The following KDM4C variants were observed in gnomAD, a reference collection of about 807,000 sequenced individuals.
KDM4C encodes lysine demethylase 4C, also known as lysine-specific demethylase 4C.
A neutral mutation model predicts 129.3 loss-of-function variants in KDM4C; 81 were observed. The observed-to-expected ratio is 0.63, with a 90% CI of 0.52 to 0.75. KDM4C has a LOEUF of 0.75. Among genes scored for constraint, KDM4C ranks in the 30% least tolerant of loss-of-function variants. The pLI, the probability that KDM4C is intolerant of heterozygous loss-of-function variation, is 0.00. For synonymous variants in KDM4C, 573 were observed against 456.1 expected, an observed-to-expected ratio of 1.26 and a Z score of -3.26; for missense variants, 1,457 against 1,304.0, an observed-to-expected ratio of 1.12 and a Z score of -1.81.
chr9:7,157,885 G>A (rs1843358584), intron 19 of KDM4C, among the ~76,000 whole-genome samples: 1 of 152,154 alleles, frequency 6.6e-6, no homozygotes, highest in Non-Finnish European at 1.5e-5. Context: ...GAGTTAGGGA[G>A]GAGTCCCTCT....
At chr9:6,970,839 C>G (rs770111900) in intron 8 of KDM4C, among the ~76,000 whole-genome samples, 2 of 138,494 alleles carry the variant, frequency 1.4e-5, no homozygotes, top group Admixed American at 7.2e-5. Flanking sequence ...CAGGGTACCT[C>G]CTCTTAGGAA....
At chr9:6,825,270 A>G (rs1833706181) in intron 4 of KDM4C, among the ~76,000 whole-genome samples, 1 of 152,182 alleles carries the variant, frequency 6.6e-6, no homozygotes, top group Admixed American at 6.5e-5. Flanking sequence ...GAAAAAGGCA[A>G]ATACTAATTA....
chr9:7,138,824 AAAAAT>A (rs1380480279), intron 19 of KDM4C, among the ~76,000 whole-genome samples: 1 of 152,158 alleles, frequency 6.6e-6, no homozygotes, highest in East Asian at 1.9e-4. Context: ...TGTCTCTAAA[AAAAAT>A]AAAATAAAAG....
chr9:6,894,565 G>C (rs958029177), intron 8 of KDM4C, among the ~76,000 whole-genome samples: 1 of 152,222 alleles, frequency 6.6e-6, no homozygotes, highest in Non-Finnish European at 1.5e-5. Context: ...CAGCTGTTCA[G>C]AGTCACCACA....
At chr9:6,880,515 A>G (rs1452016705) in intron 6 of KDM4C, among the ~76,000 whole-genome samples, 1 of 151,990 alleles carries the variant, frequency 6.6e-6, no homozygotes, top group Admixed American at 6.6e-5. Flanking sequence ...GTCACTGCCG[A>G]CGCCCAGTTC....
intron 2 of KDM4C, among the ~76,000 whole-genome samples, chr9:6,801,467 G>T (rs1828950057): frequency 6.6e-6 from 1 of 151,012 alleles, no homozygotes; most frequent in South Asian, 2.1e-4. Flanking sequence ...TGGATCTCCT[G>T]ACATCGTGAT....
At chr9:6,748,329 G>C (rs1817951223) in intron 1 of KDM4C, among the ~76,000 whole-genome samples, 1 of 152,036 alleles carries the variant, frequency 6.6e-6, no homozygotes, top group African/African-American at 2.4e-5. Context: ...CCAACATGGA[G>C]AAACCCTGTC....
chr9:6,738,200 G>A (rs1194756027), intron 1 of KDM4C, among the ~76,000 whole-genome samples: 2 of 147,640 alleles, frequency 1.4e-5, no homozygotes, highest in African/African-American at 5.2e-5. Context: ...ATGCTGGCCG[G>A]GCCTGGTGGC....
chr9:7,128,141 A>C lies in KDM4C; in HGVS notation c.2686A>C (p.Ser896Arg), dbSNP rs200687299. Residue 896 changes from serine to arginine, a missense_variant, in exon 19 of 22, where the codon AGT becomes CGT. Physicochemically the swap from Ser to Arg is moderately radical, Grantham distance 110. Coordinates refer to ENST00000381309, the MANE Select transcript of KDM4C (RefSeq NM_015061.6). ...GAAGCATCGGAACACCCGGTATTAC[A>C]GTTGCAGAGTGATGGCTGTGACATC... The part of the protein sequence containing the change: ...ITKHRNTRYY[S>R]CRVMAVTSQT... 2 of 1,613,224 alleles carry C rather than the reference A, an allele frequency of 1.2e-6. No individual in the cohort carries two copies. The highest frequency in any genetic ancestry group is 1.1e-5 in the South Asian group (1 of 90,954).
chr9:6,841,499 A>G (rs1293958918), intron 4 of KDM4C, among the ~76,000 whole-genome samples: 1 of 152,242 alleles, frequency 6.6e-6, no homozygotes, highest in African/African-American at 2.4e-5. Context: ...AAAGTACCAT[A>G]AAAATATGAT....
At chr9:6,754,880 TAAAAAAA>T (rs58382779), upstream of KDM4C, among the ~76,000 whole-genome samples, 673 of 83,344 alleles carry the variant, frequency 8.1e-3, 5 homozygotes, top group African/African-American at 0.022. Context: ...TGTCTCAAAG[TAAAAAAA>T]AAAAAAAAAA....
chr9:6,994,151 T>G (rs1320663519), intron 12 of KDM4C, among the ~76,000 whole-genome samples: 1 of 152,100 alleles, frequency 6.6e-6, no homozygotes, highest in East Asian at 1.9e-4. Flanking sequence ...ATAGGATTTG[T>G]GTTCCTATGA....
At chr9:6,729,048 A>G (rs113770499) in intron 1 of KDM4C, among the ~76,000 whole-genome samples, 16,124 of 150,442 alleles carry the variant, frequency 0.11, 1,089 homozygotes, top group African/African-American at 0.17. Context: ...TACTAAAAAT[A>G]CAAAAAATTA....
chr9:6,819,778 T>C (rs985448422), intron 4 of KDM4C, among the ~76,000 whole-genome samples: 1 of 152,240 alleles, frequency 6.6e-6, no homozygotes, highest in Non-Finnish European at 1.5e-5. Flanking sequence ...TTTGAATTCA[T>C]TGTAATGAAT....
intron 1 of KDM4C, among the ~76,000 whole-genome samples, chr9:6,739,189 C>T (rs993476880): frequency 6.6e-6 from 1 of 151,928 alleles, no homozygotes; most frequent in African/African-American, 2.4e-5. Flanking sequence ...TCTTGTGCCT[C>T]AGCTTCCCGA....
At chr9:6,821,055 C>T (rs1832950030) in intron 4 of KDM4C, among the ~76,000 whole-genome samples, 1 of 152,068 alleles carries the variant, frequency 6.6e-6, no homozygotes, top group African/African-American at 2.4e-5. Flanking sequence ...TGAACTCATC[C>T]TTTTTTATGG....
intron 6 of KDM4C, among the ~76,000 whole-genome samples, chr9:6,881,837 A>G (rs895503579): frequency 6.6e-6 from 1 of 152,234 alleles, no homozygotes; most frequent in African/African-American, 2.4e-5. Flanking sequence ...GATGCCAGCC[A>G]AAATAATTGA....
At chr9:6,956,315 G>C (rs771764191) in intron 8 of KDM4C, among the ~76,000 whole-genome samples, 1 of 152,078 alleles carries the variant, frequency 6.6e-6, no homozygotes, top group Admixed American at 6.5e-5. Flanking sequence ...TCCCCATGAT[G>C]TGCTTATTTC....
chr9:7,110,793 C>T (rs965448995), intron 18 of KDM4C, among the ~76,000 whole-genome samples: 9 of 152,102 alleles, frequency 5.9e-5, no homozygotes, highest in Admixed American at 4.6e-4. Context: ...ATTTTTAAAC[C>T]GACCTGAAAC....
Sources: gnomAD v4.1 joint callset for allele counts (sites outside exome capture counted in the v4.1 genomes callset) on GRCh38, gnomAD v4.1.1 for gene constraint, MANE v1.5 for transcripts, NCBI Gene and HGNC (gene_info 2026-07-23, HGNC 2026-07-21) for gene names.